R3HDM2: variants seen among roughly 807,000 people sequenced by gnomAD.
R3HDM2 encodes R3H domain containing 2, also known as R3H domain-containing protein 2.
In R3HDM2, 38 loss-of-function variants were observed where a neutral mutation model predicts 124.5. That is an observed-to-expected ratio of 0.31 (90% CI 0.24 to 0.40). The LOEUF (loss-of-function observed/expected upper bound fraction) is 0.40. Among genes scored for constraint, R3HDM2 ranks in the 10% least tolerant of loss-of-function variants. The pLI is 1.00. For synonymous variants in R3HDM2, 391 were observed against 448.0 expected, an observed-to-expected ratio of 0.87 and a Z score of 1.61; for missense variants, 869 against 1,236.9, an observed-to-expected ratio of 0.70 and a Z score of 4.46.
chr12:57,366,839 G>A (rs929951859), intron 2 of R3HDM2, among the ~76,000 whole-genome samples: 2 of 151,996 alleles, frequency 1.3e-5, no homozygotes, highest in South Asian at 2.1e-4. Flanking sequence ...ACGGGCGCCC[G>A]CCACCACGCC....
Position 57,254,626 on chromosome 12 carries a change from CTG to C in R3HDM2, c.*145_*146del, listed in dbSNP as rs1030709270. The C allele has an allele frequency of 1.6e-5, 11 of 697,994 alleles. No individual in the cohort carries two copies. The African/African-American group carries it at 1.6e-4, about 10-fold the overall frequency. 43.2% of individuals were successfully genotyped at this position (697,994 alleles called of 1,614,324 possible). On this transcript the variant is annotated 3_prime_UTR_variant, in exon 24 of 24. Coordinates refer to ENST00000402412, the MANE Select transcript of R3HDM2 (RefSeq NM_001394031.1). ...AGGAGTCCAATGCCAGTGTAGGTAT[CTG>C]TGTTTCCATCTTCATCACTGTCTTA...
chr12:57,375,763 C>T (rs1480717251), intron 2 of R3HDM2, among the ~76,000 whole-genome samples: 3 of 151,578 alleles, frequency 2.0e-5, no homozygotes, highest in Non-Finnish European at 4.4e-5. Flanking sequence ...ACCTCTGACT[C>T]CCTGGTTCAA....
chr12:57,425,762 C>A (rs1029053252), intron 1 of R3HDM2, among the ~76,000 whole-genome samples: 4 of 152,144 alleles, frequency 2.6e-5, no homozygotes, highest in Non-Finnish European at 5.9e-5. Flanking sequence ...CAGGACACTG[C>A]ACTCCAGCCT....
chr12:57,284,497 T>C (rs1177680457), intron 12 of R3HDM2, among the ~76,000 whole-genome samples: 1 of 152,194 alleles, frequency 6.6e-6, no homozygotes, highest in African/African-American at 2.4e-5. Context: ...GCCAATGACA[T>C]GGATAAAACC....
rs1427662701 is a variant in R3HDM2 at position 57,410,678 on chromosome 12, C to A, written c.-105-14860G>T. 4.6e-5 allele frequency among the ~76,000 whole-genome samples: 7 copies of A among 152,120 alleles called. No individual in the cohort carries two copies. In the East Asian group the frequency reaches 1.3e-3, roughly 29 times the overall value. On this transcript the variant is annotated intron_variant, in intron 1 of 23. Coordinates refer to ENST00000402412, the MANE Select transcript of R3HDM2 (RefSeq NM_001394031.1). ...GACCAGCCTGGGCTACATGGCAAGACCCTGTCTCTGCAGAAAAATTAAAAA... is the reference window on the plus strand; with the variant it reads ...GACCAGCCTGGGCTACATGGCAAGAACCTGTCTCTGCAGAAAAATTAAAAA...
chr12:57,397,175 G>A (rs1366245540), intron 1 of R3HDM2, among the ~76,000 whole-genome samples: 1 of 152,132 alleles, frequency 6.6e-6, no homozygotes, highest in African/African-American at 2.4e-5. Context: ...AGCAAAAAGA[G>A]GCCAGAGGCA....
chr12:57,286,949 C>T (rs1486120671), intron 12 of R3HDM2, among the ~76,000 whole-genome samples: 1 of 152,108 alleles, frequency 6.6e-6, no homozygotes, highest in Non-Finnish European at 1.5e-5. Context: ...AAGCTATTAT[C>T]TGCACAGTTT....
At chr12:57,357,731 C>T (rs1202435871) in intron 2 of R3HDM2, among the ~76,000 whole-genome samples, 4 of 140,260 alleles carry the variant, frequency 2.9e-5, no homozygotes, top group African/African-American at 8.0e-5. Context: ...TTTTAGTTTG[C>T]TCTTCTTTTC....
At chr12:57,377,216 T>G (rs2064207481) in intron 2 of R3HDM2, among the ~76,000 whole-genome samples, 1 of 151,526 alleles carries the variant, frequency 6.6e-6, no homozygotes, top group Admixed American at 6.6e-5. Flanking sequence ...CCCCAAAAAC[T>G]TAAACCAGTA....
intron 3 of R3HDM2, 138 bp from the exon 4 acceptor site, chr12:57,303,355 G>A (rs1198888502): frequency 5.4e-6 from 4 of 739,004 alleles, no homozygotes; most frequent in Admixed American, 2.4e-5. Flanking sequence ...ACCACTTGAT[G>A]TGGGTTTCTC....
chr12:57,345,544 CAT>C (rs1388100882), intron 2 of R3HDM2, among the ~76,000 whole-genome samples: 2 of 121,728 alleles, frequency 1.6e-5, no homozygotes, highest in Admixed American at 8.4e-5. Flanking sequence ...CACACACACA[CAT>C]ATATTAAGAG....
At chr12:57,376,517 G>C (rs962361753) in intron 2 of R3HDM2, among the ~76,000 whole-genome samples, 1 of 152,232 alleles carries the variant, frequency 6.6e-6, no homozygotes, top group Non-Finnish European at 1.5e-5. Context: ...TTTACTGGGT[G>C]AGGTGGCACA....
At chr12:57,299,989 C>T (rs926845758) in intron 5 of R3HDM2, 106 bp downstream of exon 5, 2 of 864,686 alleles carry the variant, frequency 2.3e-6, no homozygotes, top group African/African-American at 3.4e-5. Flanking sequence ...TTCTGAAGTA[C>T]CTTCTACCCT....
At chr12:57,344,046 C>A (rs1322218009) in intron 2 of R3HDM2, among the ~76,000 whole-genome samples, 3 of 152,150 alleles carry the variant, frequency 2.0e-5, no homozygotes, top group Non-Finnish European at 4.4e-5. Context: ...GATACATATA[C>A]AAACTTACGT....
At chr12:57,423,855 C>T (rs1335127990) in intron 1 of R3HDM2, among the ~76,000 whole-genome samples, 1 of 141,488 alleles carries the variant, frequency 7.1e-6, no homozygotes, top group African/African-American at 2.7e-5. Context: ...TGGCTTACAC[C>T]TGTAATCCCA....
chr12:57,268,875 T>C, intron 17 of R3HDM2, 47 bp downstream of exon 17: 2 of 1,587,848 alleles, frequency 1.3e-6, no homozygotes, highest in Non-Finnish European at 1.7e-6. Context: ...CTCCTTTTCC[T>C]CATGCCAAGG....
At chr12:57,297,494 A>G (rs1392052523) in intron 7 of R3HDM2, 107 bp from the exon 8 acceptor site, 1 of 655,890 alleles carries the variant, frequency 1.5e-6, no homozygotes, top group Non-Finnish European at 2.6e-6. Context: ...AGAAGCTGAA[A>G]AAGGTATATA....
intron 2 of R3HDM2, among the ~76,000 whole-genome samples, chr12:57,368,839 T>C (rs2062973103): frequency 6.6e-6 from 1 of 152,114 alleles, no homozygotes; most frequent in African/African-American, 2.4e-5. Context: ...AGTAAACTAT[T>C]GAACCCGAGG....
intron 2 of R3HDM2, among the ~76,000 whole-genome samples, chr12:57,349,398 A>C (rs1431828900): frequency 7.9e-6 from 1 of 127,098 alleles, no homozygotes; most frequent in African/African-American, 2.6e-5. Flanking sequence ...AAAAAAAAAA[A>C]AAAAAAAAAG....
Sources: allele counts gnomAD v4.1 joint callset (sites outside exome capture counted in the v4.1 genomes callset), GRCh38; gene constraint gnomAD v4.1.1; transcripts MANE v1.5; gene names NCBI Gene and HGNC (gene_info 2026-07-23, HGNC 2026-07-21).